HDGFL3: variants seen among roughly 807,000 people sequenced by gnomAD.
The protein encoded by HDGFL3 is HDGF like 3.
In HDGFL3, 6 loss-of-function variants were observed where a neutral mutation model predicts 27.6. The observed-to-expected ratio is 0.22, with a 90% CI of 0.12 to 0.43. The LOEUF (loss-of-function observed/expected upper bound fraction) is 0.43, where lower values mean the gene tolerates loss of function less well. HDGFL3 is among the 20% of genes least tolerant of loss of function. The probability of loss-of-function intolerance (pLI) is 1.00; values close to 1 mark genes in which losing one functional copy is unlikely to be tolerated. For missense variants in HDGFL3, 207 were observed against 250.1 expected, an observed-to-expected ratio of 0.83 and a Z score of 1.16; for synonymous variants, 88 against 88.9, an observed-to-expected ratio of 0.99 and a Z score of 0.05.
chr15:83,203,786 TTA>T (rs1241010498), intron 1 of HDGFL3, among the ~76,000 whole-genome samples: 1 of 151,254 alleles, frequency 6.6e-6, no homozygotes, highest in Non-Finnish European at 1.5e-5. Flanking sequence ...GTCATCCCTT[TTA>T]GTTTCTTTTT....
chr15:83,204,646 A>C (rs1202178277), intron 1 of HDGFL3, among the ~76,000 whole-genome samples: 2 of 152,368 alleles, frequency 1.3e-5, no homozygotes, highest in East Asian at 3.9e-4. Context: ...ACAATAATTT[A>C]AAATAGTGTA....
intron 1 of HDGFL3, among the ~76,000 whole-genome samples, chr15:83,173,772 C>T (rs1200472581): frequency 6.6e-6 from 1 of 152,170 alleles, no homozygotes; most frequent in African/African-American, 2.4e-5. Flanking sequence ...CATCTACAAA[C>T]CATCTCCTTT....
rs2035905788 is a variant in HDGFL3 at position 83,127,864 on chromosome 15, A to G, written c.*11406T>C. ...TGTCCATCCAAATTTAAGACTTCAG[A>G]ATTCCACTACGCTATGCTATACAGA... is the stretch of plus-strand genomic sequence containing the variant. On this transcript the variant is annotated 3_prime_UTR_variant, in exon 6 of 6. Transcript: ENST00000299633. 7.6e-6 allele frequency: 2 copies of G among 262,696 alleles called. No homozygotes were observed. The highest frequency in any genetic ancestry group is 8.0e-5 in the South Asian group (2 of 25,128). The allele number at this position is 262,696 out of a possible 1,614,324, so 16.3% of individuals were successfully genotyped here.
exon 4 of HDGFL3, chr15:83,114,705 A>G (rs891795134): frequency 3.3e-5 from 5 of 152,218 alleles, no homozygotes; most frequent in African/African-American, 1.2e-4. Flanking sequence ...CTTTTCTTAT[A>G]TTCACCATCA....
intron 1 of HDGFL3, chr15:83,169,176 C>T (rs1430245310): frequency 2.3e-6 from 1 of 436,204 alleles, no homozygotes; most frequent in Non-Finnish European, 4.6e-6. Flanking sequence ...CAGGCAAAAA[C>T]TGGAAGCATG....
At position 83,150,734 on chromosome 15, in the gene HDGFL3, C is replaced by A. The variant is rs183994408; in HGVS notation, c.606+481G>T. Among the ~76,000 whole-genome samples the A allele has an allele frequency of 1.5e-3, 235 of 152,242 alleles. 2 individuals are homozygous for A. In the Middle Eastern group the frequency reaches 0.017, roughly 11 times the overall value. On this transcript the variant is annotated intron_variant, in intron 5 of 5. Transcript: ENST00000299633. ...AAAAGTTATGAAGAGTCATCATAGA[C>A]AAATTTGTCCCTAGGGGTACTTTAA...
In HDGFL3 at chr15:83,158,110, A is replaced by G. The variant is rs2037055896; in HGVS notation, c.162-69T>C. 7 of 1,313,556 alleles carry G rather than the reference A, an allele frequency of 5.3e-6. No individual in the cohort carries two copies. The East Asian group carries it at 1.6e-4, about 31-fold the overall frequency. 81.4% of individuals were successfully genotyped at this position (1,313,556 alleles called of 1,614,324 possible). A position where few individuals can be genotyped will look rare whatever the true frequency, so the allele number is the denominator to read the frequency against. ...AAGGTAAGATATTTTAAATATCAGT[A>G]TCAGTGAAGATGTCAGAGCATACTA... On this transcript the variant is annotated intron_variant, in intron 2 of 5. Transcript: ENST00000299633.
At chr15:83,144,734 G>A in intron 5 of HDGFL3, 1 of 345,218 alleles carries the variant, frequency 2.9e-6, no homozygotes. Flanking sequence ...CACCTGGACT[G>A]CATTTTGGTA....
intron 1 of HDGFL3, among the ~76,000 whole-genome samples, chr15:83,194,382 G>A (rs893619876): frequency 3.9e-5 from 6 of 152,188 alleles, no homozygotes; most frequent in African/African-American, 1.4e-4. Context: ...GTGGAGAGGT[G>A]ATTGCCAGGG....
chr15:83,189,148 T>C (rs1323374864), intron 1 of HDGFL3, among the ~76,000 whole-genome samples: 5 of 152,152 alleles, frequency 3.3e-5, no homozygotes, highest in African/African-American at 1.2e-4. Context: ...TCCAAACTTC[T>C]ATGAAAGCCT....
intron 1 of HDGFL3, among the ~76,000 whole-genome samples, chr15:83,203,228 G>A (rs905811363): frequency 6.6e-6 from 1 of 152,042 alleles, no homozygotes; most frequent in Non-Finnish European, 1.5e-5. Flanking sequence ...AACATAAGCA[G>A]AGTGCTCACA....
rs2036494883 is a variant in HDGFL3, at chr15:83,134,673, C to G, written c.*4597G>C. On this transcript the variant is annotated 3_prime_UTR_variant, in exon 6 of 6. Coordinates refer to ENST00000299633, the MANE Select transcript of HDGFL3 (RefSeq NM_016073.4). ...GCACAACTGCTCATATTTATTCTCTCAAAGTATGGTTGGCATTTCCCCAAA... is the reference window on the plus strand; with the variant it reads ...GCACAACTGCTCATATTTATTCTCTGAAAGTATGGTTGGCATTTCCCCAAA... 6.6e-6 allele frequency: 1 copy of G among 152,256 alleles called. No individual in the cohort carries two copies. Among genetic ancestry groups the G allele is most frequent in the African/African-American group, 2.4e-5 (1 of 41,470 alleles). The allele number at this position is 152,256 out of a possible 1,614,324, so 9.4% of individuals were successfully genotyped here.
rs1477653809 is a variant in HDGFL3, at chr15:83,132,118, C to G, written c.*7152G>C. On this transcript the variant is annotated 3_prime_UTR_variant, in exon 6 of 6. Transcript: ENST00000299633. Reference sequence around the variant, plus strand: ...TGTAAAGTGAGGATAATAACAGTAGCTTTCTCATGGAATTGCTGTTAGGGT... The same window carrying G: ...TGTAAAGTGAGGATAATAACAGTAGGTTTCTCATGGAATTGCTGTTAGGGT... The G allele has an allele frequency of 6.6e-6, 1 of 152,184 alleles. No individual in the cohort carries two copies. Among genetic ancestry groups the G allele is most frequent in the Non-Finnish European group, 1.5e-5 (1 of 68,048 alleles). The allele number at this position is 152,184 out of a possible 1,614,324, so 9.4% of individuals were successfully genotyped here.
intron 1 of HDGFL3, among the ~76,000 whole-genome samples, chr15:83,199,371 T>C (rs1274843098): frequency 6.6e-6 from 1 of 152,222 alleles, no homozygotes; most frequent in Admixed American, 6.5e-5. Context: ...GTTTATTTTC[T>C]GACCTGTCTA....
At chr15:83,206,263 TACA>T (rs1432987771) in intron 1 of HDGFL3, among the ~76,000 whole-genome samples, 1 of 152,202 alleles carries the variant, frequency 6.6e-6, no homozygotes, top group African/African-American at 2.4e-5. Flanking sequence ...TTGACTACAA[TACA>T]ACATTTTAGA....
chr15:83,200,921 G>A (rs72758323), intron 1 of HDGFL3, among the ~76,000 whole-genome samples: 6,664 of 144,768 alleles, frequency 0.046, 209 homozygotes, highest in Middle Eastern at 0.072. Flanking sequence ...TTATTTACCA[G>A]ACTAAATGTG....
Position 83,136,652 on chromosome 15 carries a change from G to A in HDGFL3, c.*2618C>T, listed in dbSNP as rs1311073941. 4 of 1,593,824 alleles carry A rather than the reference G, an allele frequency of 2.5e-6. No individual in the cohort carries two copies. The highest frequency in any genetic ancestry group is 1.9e-5 in the Admixed American group (1 of 53,538). The stretch of plus-strand genomic sequence containing the variant: ...ACCAGAGTTCTTCATAAAAACAAAG[G>A]CAGAAGAAAAAGTGGAATAAAAATA... On this transcript the variant is annotated 3_prime_UTR_variant, in exon 6 of 6. Transcript: ENST00000299633.
intron 1 of HDGFL3, among the ~76,000 whole-genome samples, chr15:83,204,173 T>C (rs567218750): frequency 4.6e-5 from 7 of 151,664 alleles, no homozygotes; most frequent in Middle Eastern, 3.4e-3. Flanking sequence ...TATGTCAATG[T>C]ATTTATGTAT....
chr15:83,173,640 T>C lies in HDGFL3; in HGVS notation c.85-9565A>G, dbSNP rs1424670952. Among the ~76,000 whole-genome samples, 4 of 152,188 alleles carry C rather than the reference T, an allele frequency of 2.6e-5. No individual in the cohort carries two copies. In the East Asian group the frequency reaches 7.7e-4, roughly 29 times the overall value. On this transcript the variant is annotated intron_variant, in intron 1 of 5. Transcript: ENST00000299633. Reference sequence around the variant, plus strand: ...GATCTCATCTACTCTGAAATTATGTTCTCTTTCCAAGCAACCCCATTCACT... The same window carrying C: ...GATCTCATCTACTCTGAAATTATGTCCTCTTTCCAAGCAACCCCATTCACT...
Sources: allele counts gnomAD v4.1 joint callset (sites outside exome capture counted in the v4.1 genomes callset), GRCh38; gene constraint gnomAD v4.1.1; transcripts MANE v1.5; gene names NCBI Gene and HGNC (gene_info 2026-07-23, HGNC 2026-07-21).